PAM: variants seen among roughly 807,000 people sequenced by gnomAD.
The protein encoded by PAM is peptidylglycine alpha-amidating monooxygenase.
In PAM, 72 loss-of-function variants were observed where a neutral mutation model predicts 122.1. The observed-to-expected ratio is 0.59, with a 90% CI of 0.49 to 0.72. PAM has a LOEUF of 0.72. Ranked by LOEUF, PAM falls within the 30% of genes least tolerant of loss-of-function variation. The pLI, the probability that PAM is intolerant of heterozygous loss-of-function variation, is 0.00. For missense variants in PAM, 1,106 were observed against 1,183.7 expected (o/e 0.93, Z 0.96); for synonymous variants, 389 against 404.4 (o/e 0.96, Z 0.46).
At chr5:102,807,015 A>C (rs1766411054) in intron 1 of PAM, among the ~76,000 whole-genome samples, 1 of 152,234 alleles carries the variant, frequency 6.6e-6, no homozygotes, top group African/African-American at 2.4e-5. Context: ...AGTTTCTTTG[A>C]ACTAGCTGAG....
chr5:103,009,963 C>T lies in PAM; in HGVS notation c.2331+97C>T, dbSNP rs536113572. ...CTGTACTTGAATAGCTTTAGAAAAACTTTTAAGAAGATGTGATAACTTTCT... is the reference window on the plus strand; with the variant it reads ...CTGTACTTGAATAGCTTTAGAAAAATTTTTAAGAAGATGTGATAACTTTCT... On this transcript the variant is annotated intron_variant, in intron 21 of 25. Coordinates refer to ENST00000438793, the MANE Select transcript of PAM (RefSeq NM_001177306.2). 6.5e-5 allele frequency: 31 copies of T among 474,014 alleles called. No homozygotes were observed. In the East Asian group the frequency reaches 1.0e-3, roughly 16 times the overall value. 29.4% of individuals were successfully genotyped at this position (474,014 alleles called of 1,614,324 possible).
intron 1 of PAM, among the ~76,000 whole-genome samples, chr5:102,789,492 T>C (rs887093724): frequency 2.0e-5 from 3 of 152,118 alleles, no homozygotes; most frequent in Admixed American, 6.6e-5. Context: ...TGCTACAACA[T>C]GGCTGATCCT....
chr5:102,834,736 C>G (rs996018956), intron 1 of PAM, among the ~76,000 whole-genome samples: 1 of 151,826 alleles, frequency 6.6e-6, no homozygotes, highest in Non-Finnish European at 1.5e-5. Flanking sequence ...GAAAAGGAGG[C>G]CATTGTGCTG....
intron 21 of PAM, among the ~76,000 whole-genome samples, chr5:103,016,771 C>G (rs1166977973): frequency 6.6e-6 from 1 of 152,154 alleles, no homozygotes; most frequent in African/African-American, 2.4e-5. Context: ...GAGTATAAAA[C>G]CCCACATTGC....
chr5:102,975,587 G>C (rs1009727564), intron 15 of PAM, among the ~76,000 whole-genome samples: 1 of 152,084 alleles, frequency 6.6e-6, no homozygotes. Flanking sequence ...CCTAGGATGC[G>C]TAAGAAAAAT....
intron 3 of PAM, among the ~76,000 whole-genome samples, chr5:102,885,495 A>T (rs1012352001): frequency 1.3e-5 from 2 of 152,008 alleles, no homozygotes; most frequent in Non-Finnish European, 2.9e-5. Context: ...AGTAGATGTA[A>T]GAAAGAAGAT....
chr5:102,974,597 T>C (rs1766991737), intron 15 of PAM, 161 bp downstream of exon 15: 4 of 529,970 alleles, frequency 7.5e-6, no homozygotes, highest in Non-Finnish European at 1.3e-5. Context: ...GATAACATCT[T>C]TGAAGATTTT....
chr5:102,837,954 T>C lies in PAM; in HGVS notation c.-373-27869T>C, dbSNP rs114372842. Among the ~76,000 whole-genome samples, 936 of 152,298 alleles carry C rather than the reference T, an allele frequency of 6.1e-3. 3 individuals are homozygous for C. The highest frequency in any genetic ancestry group is 0.01 in the Non-Finnish European group (682 of 67,990). The stretch of plus-strand genomic sequence containing the variant: ...CAGAAACCAGTATAGATATTTATAA[T>C]TTTTCACAGCAAAAGTTTTAAACAT... On this transcript the variant is annotated intron_variant, in intron 1 of 25. Transcript: ENST00000438793.
At chr5:102,882,273 T>G (rs1427677999) in intron 3 of PAM, among the ~76,000 whole-genome samples, 1 of 150,596 alleles carries the variant, frequency 6.6e-6, no homozygotes, top group Non-Finnish European at 1.5e-5. Context: ...TAGTTCTACT[T>G]TTAGTTCTTT....
chr5:102,777,120 A>G (rs187930367), intron 1 of PAM, among the ~76,000 whole-genome samples: 68 of 152,206 alleles, frequency 4.5e-4, no homozygotes, highest in Admixed American at 1.2e-3. Flanking sequence ...CTTGAAATGG[A>G]TCTTTTTCAA....
chr5:102,797,752 G>A (rs1008285575), intron 1 of PAM, among the ~76,000 whole-genome samples: 1 of 152,084 alleles, frequency 6.6e-6, no homozygotes, highest in African/African-American at 2.4e-5. Context: ...TTTTAAAATA[G>A]TATCAGGTCA....
intron 18 of PAM, 63 bp downstream of exon 18, chr5:103,005,289 T>A: frequency 1.1e-6 from 1 of 875,580 alleles, no homozygotes; most frequent in South Asian, 1.4e-5. Context: ...TGAAGAGCTC[T>A]GGAGTTGTAT....
At chr5:102,820,002 G>T (rs113044301) in intron 1 of PAM, among the ~76,000 whole-genome samples, 1 of 152,074 alleles carries the variant, frequency 6.6e-6, no homozygotes, top group African/African-American at 2.4e-5. Context: ...TTAGCTGAAG[G>T]CATCAAATAA....
At position 102,901,500 on chromosome 5, in the gene PAM, GCA is replaced by G. The variant is rs1320142450; in HGVS notation, c.268+88_268+89del. 6.4e-5 allele frequency: 49 copies of G among 766,768 alleles called. No homozygotes were observed. In the Middle Eastern group the frequency reaches 1.4e-3, roughly 22 times the overall value. 47.5% of individuals were successfully genotyped at this position (766,768 alleles called of 1,614,324 possible). On this transcript the variant is annotated intron_variant, in intron 4 of 25. Transcript: ENST00000438793. Reference sequence around the variant, plus strand: ...GAAAGGTTCTCTTTGAGGGTTATGAGCATATTAATCTTTTACTGTCAGTTTCT... The same window carrying G: ...GAAAGGTTCTCTTTGAGGGTTATGAGTATTAATCTTTTACTGTCAGTTTCT...
At chr5:103,001,474 T>A (rs1473412318) in intron 16 of PAM, among the ~76,000 whole-genome samples, 2 of 152,152 alleles carry the variant, frequency 1.3e-5, no homozygotes, top group Non-Finnish European at 2.9e-5. Flanking sequence ...TATTTTTTTC[T>A]AGATACCACT....
At chr5:103,010,498 T>C (rs893094775) in intron 21 of PAM, among the ~76,000 whole-genome samples, 3 of 152,228 alleles carry the variant, frequency 2.0e-5, no homozygotes, top group Middle Eastern at 3.2e-3. Flanking sequence ...CTCTGCAGTA[T>C]GATTGCCAGA....
chr5:102,974,127 T>G lies in PAM; in HGVS notation c.1174T>G (p.Ser392Ala). The change falls in exon 15 of 26, where the codon TCA becomes GCA. Residue 392 changes from serine to alanine, a missense_variant. Physicochemically the swap from Ser to Ala is moderately conservative, Grantham distance 99. Coordinates refer to ENST00000438793, the MANE Select transcript of PAM (RefSeq NM_001177306.2). The stretch of plus-strand genomic sequence containing the variant: ...TCTTTTTTCCACAGGTGATTTCTAT[T>G]CACTACTTTCCAAGCTGCTAGGAGA... ...EEVLDQGDFY[S>A]LLSKLLGERE... 6.2e-7 allele frequency: 1 copy of G among 1,612,268 alleles called. No homozygotes were observed. The highest frequency in any genetic ancestry group is 1.1e-5 in the South Asian group (1 of 91,022).
At chr5:102,939,334 G>A (rs1754315378) in intron 7 of PAM, among the ~76,000 whole-genome samples, 5 of 151,762 alleles carry the variant, frequency 3.3e-5, no homozygotes, top group Admixed American at 3.3e-4. Flanking sequence ...TTCTTCTCAT[G>A]GGGTCATCTG....
At chr5:102,997,234 T>C (rs1775982818) in intron 16 of PAM, among the ~76,000 whole-genome samples, 1 of 152,152 alleles carries the variant, frequency 6.6e-6, no homozygotes, top group Non-Finnish European at 1.5e-5. Context: ...TGCAAGACAA[T>C]TTTTTTTAAG....
Sources: allele counts gnomAD v4.1 joint callset (sites outside exome capture counted in the v4.1 genomes callset), GRCh38; gene constraint gnomAD v4.1.1; transcripts MANE v1.5; gene names NCBI Gene and HGNC (gene_info 2026-07-23, HGNC 2026-07-21).